The following RTTN variants were observed in gnomAD, a reference collection of about 807,000 sequenced individuals.
The protein encoded by RTTN is rotatin.
Under a neutral mutation model 269.2 loss-of-function variants are expected in RTTN, and 182 were observed. The observed-to-expected ratio is 0.68, with a 90% CI of 0.60 to 0.76. The LOEUF is 0.76. Among genes scored for constraint, RTTN ranks in the 30% least tolerant of loss-of-function variants. RTTN has a pLI of 0.00. For missense variants in RTTN, 2,545 were observed against 2,608.6 expected, an observed-to-expected ratio of 0.98 and a Z score of 0.53; for synonymous variants, 1,006 against 963.5, an observed-to-expected ratio of 1.04 and a Z score of -0.82.
intron 43 of RTTN, among the ~76,000 whole-genome samples, chr18:70,026,990 G>A (rs777474061): frequency 1.5e-4 from 23 of 152,140 alleles, no homozygotes; most frequent in Non-Finnish European, 2.2e-4. Flanking sequence ...CACTCTTAAT[G>A]CATGATAATG....
intron 23 of RTTN, chr18:70,130,879 A>G (rs974922940): frequency 3.9e-5 from 6 of 152,062 alleles, no homozygotes; most frequent in African/African-American, 1.4e-4. Flanking sequence ...TTGTATGCTT[A>G]TATCAAAATA....
chr18:70,030,927 A>T lies in RTTN; in HGVS notation c.5596T>A (p.Leu1866Met), dbSNP rs1209756001. The T allele has an allele frequency of 2.5e-6, 4 of 1,613,776 alleles. No homozygotes were observed. The South Asian group carries it at 4.4e-5, about 18-fold the overall frequency. The change falls in exon 41 of 49, where the codon TTG (leucine) becomes ATG (methionine). Residue 1866 changes from leucine (L) to methionine (M), a missense_variant. By Grantham distance (15) the Leu-to-Met change is conservative. Transcript: ENST00000640769. ...CTACTGACAGCCAGCAGTGACATCA[A>T]TGCATTTGCAGCTACTCTTTTCAGG... ...DILKRVAANA[L>M]MSLLAVSRRA...
At position 70,166,153 on chromosome 18, in the gene RTTN, C is replaced by G. The variant is rs749520981; in HGVS notation, c.1838G>C (p.Gly613Ala). ...ATGGAGAAGCACCTTCTGACTTTCT[C>G]CTTGTAGTAATGGACTGGCCTGAGC... is the stretch of plus-strand genomic sequence containing the variant. ...KSAQASPLLQ[G>A]ESQKVLLHML... Residue 613 changes from glycine (G) to alanine (A), a missense_variant, in exon 14 of 49, where the codon GGA becomes GCA. Physicochemically the swap from Gly to Ala is moderately conservative, Grantham distance 60. Coordinates refer to ENST00000640769, the MANE Select transcript of RTTN (RefSeq NM_173630.4). 3.7e-6 allele frequency: 6 copies of G among 1,613,618 alleles called. 1 individual carries two copies. In the South Asian group the frequency reaches 6.6e-5, roughly 18 times the overall value.
rs933796006 is a variant in RTTN, at chr18:70,154,184, G to A, written c.1930-3451C>T. Among the ~76,000 whole-genome samples, 5 of 151,622 alleles carry A rather than the reference G, an allele frequency of 3.3e-5. No individual in the cohort carries two copies. In the East Asian group the frequency reaches 5.8e-4, roughly 18 times the overall value. On this transcript the variant is annotated intron_variant, in intron 14 of 48. Transcript: ENST00000640769. ...GTGCATTTTTTTTAAAAACAAATTC[G>A]AAACTGACACATACATATTTATTTC... is the stretch of plus-strand genomic sequence containing the variant.
At chr18:70,057,669 G>C (rs2057857018) in intron 37 of RTTN, 73 bp downstream of exon 37, 2 of 1,057,848 alleles carry the variant, frequency 1.9e-6, no homozygotes, top group Non-Finnish European at 2.9e-6. Flanking sequence ...CCTATGACTA[G>C]TATCTCCTCA....
At chr18:70,082,409 G>A (rs1001295390) in intron 32 of RTTN, among the ~76,000 whole-genome samples, 5 of 45,676 alleles carry the variant, frequency 1.1e-4, no homozygotes, top group African/African-American at 1.8e-4. Flanking sequence ...AATGTTTACA[G>A]AAATGAACTG....
At chr18:70,060,529 C>T (rs2057952610) in intron 35 of RTTN, among the ~76,000 whole-genome samples, 1 of 152,082 alleles carries the variant, frequency 6.6e-6, no homozygotes, top group African/African-American at 2.4e-5. Context: ...TATTTTGATA[C>T]AGGCATACTA....
At chr18:70,055,832 T>C (rs1166530309) in intron 37 of RTTN, among the ~76,000 whole-genome samples, 2 of 152,156 alleles carry the variant, frequency 1.3e-5, no homozygotes, top group African/African-American at 2.4e-5. Context: ...TATGGCCCTC[T>C]TAAAAAAAAA....
Position 70,139,672 on chromosome 18 carries a change from C to T in RTTN, c.2715G>A (p.Lys905=), listed in dbSNP as rs1438548524. ...LVQPCLTLLR[K]VLCGDPVMRV... ...GCATGACTGGATCACCACATAAAACCTTCCTCAAGAGTGTGAGGCATGGTT... is the reference window on the plus strand; with the variant it reads ...GCATGACTGGATCACCACATAAAACTTTCCTCAAGAGTGTGAGGCATGGTT... The change falls in exon 21 of 49, where the codon AAG becomes AAA. Residue 905 remains lysine (K), a synonymous_variant. Transcript: ENST00000640769. 1.2e-6 allele frequency: 2 copies of T among 1,613,320 alleles called. No individual in the cohort carries two copies. The highest frequency in any genetic ancestry group is 2.2e-5 in the South Asian group (2 of 91,040).
chr18:70,099,762 G>A (rs1487421598), intron 28 of RTTN, among the ~76,000 whole-genome samples: 2 of 152,176 alleles, frequency 1.3e-5, no homozygotes, highest in East Asian at 1.9e-4. Context: ...TTTGTGTAAG[G>A]TGTAAGGAAG....
intron 40 of RTTN, among the ~76,000 whole-genome samples, chr18:70,039,293 G>C (rs2057269569): frequency 6.6e-6 from 1 of 150,484 alleles, no homozygotes; most frequent in South Asian, 2.1e-4. Flanking sequence ...CAAGGATAAA[G>C]AAAAGATCCT....
At chr18:70,183,190 A>G (rs1208208618) in intron 10 of RTTN, among the ~76,000 whole-genome samples, 1 of 152,254 alleles carries the variant, frequency 6.6e-6, no homozygotes, top group African/African-American at 2.4e-5. Context: ...ATTACTGTAC[A>G]GCAAACACAG....
At chr18:70,107,844 G>A (rs1237700675) in intron 28 of RTTN, among the ~76,000 whole-genome samples, 1 of 152,208 alleles carries the variant, frequency 6.6e-6, no homozygotes, top group East Asian at 1.9e-4. Flanking sequence ...CATTAAAAGT[G>A]TAAGATGATT....
At chr18:70,205,603 G>A (rs1487090463) in intron 1 of RTTN, 25 bp downstream of exon 1, 1 of 1,613,858 alleles carries the variant, frequency 6.2e-7, no homozygotes, top group Non-Finnish European at 8.5e-7. Context: ...GGGGTGCCTT[G>A]GGCGAGGGGC....
At chr18:70,174,291 A>G (rs188254558) in intron 11 of RTTN, among the ~76,000 whole-genome samples, 1 of 152,214 alleles carries the variant, frequency 6.6e-6, no homozygotes, top group Non-Finnish European at 1.5e-5. Flanking sequence ...AAGAGACACC[A>G]GCCTTAGGCA....
intron 39 of RTTN, among the ~76,000 whole-genome samples, chr18:70,049,293 T>A (rs2057586554): frequency 6.6e-6 from 1 of 152,214 alleles, no homozygotes; most frequent in Admixed American, 6.5e-5. Flanking sequence ...GGTAGCATCA[T>A]GCTTTCTATT....
chr18:70,035,528 C>A (rs1456855533), intron 40 of RTTN, among the ~76,000 whole-genome samples: 3 of 152,090 alleles, frequency 2.0e-5, no homozygotes, highest in African/African-American at 7.2e-5. Context: ...TGAAACTGGA[C>A]CCCTTCCTTA....
At position 70,134,512 on chromosome 18, in the gene RTTN, AAAG is replaced by A. The variant is rs1475481846; in HGVS notation, c.2912_2914del (p.Ser971del). On this transcript the variant is annotated inframe_deletion, in exon 23 of 49. Coordinates refer to ENST00000640769, the MANE Select transcript of RTTN (RefSeq NM_173630.4). The stretch of plus-strand genomic sequence containing the variant: ...AACAGGCAAACTGAAGACCGATGGC[AAAG>A]AAGGTTTATTGGAAGGATTAACAGA... 4 of 1,610,760 alleles carry A rather than the reference AAAG, an allele frequency of 2.5e-6. No individual in the cohort carries two copies. Among genetic ancestry groups the A allele is most frequent in the Middle Eastern group, 3.3e-4 (2 of 6,064 alleles).
At chr18:70,114,033 T>C (rs1460318115) in intron 27 of RTTN, among the ~76,000 whole-genome samples, 1 of 152,202 alleles carries the variant, frequency 6.6e-6, no homozygotes, top group Admixed American at 6.5e-5. Flanking sequence ...ATGGTTAAAA[T>C]AGTGACTTTC....
Sources: allele counts gnomAD v4.1 joint callset (sites outside exome capture counted in the v4.1 genomes callset), GRCh38; gene constraint gnomAD v4.1.1; transcripts MANE v1.5; gene names NCBI Gene and HGNC (gene_info 2026-07-23, HGNC 2026-07-21).